The following SLFN5 variants were observed in gnomAD, a reference collection of about 807,000 sequenced individuals.
SLFN5 encodes schlafen family member 5.
In SLFN5, 34 loss-of-function variants were observed where a neutral mutation model predicts 48.5. The ratio of observed to expected loss-of-function variants is 0.70; its 90% confidence interval spans 0.53 to 0.93. SLFN5 has a LOEUF of 0.93. Among genes scored for constraint, SLFN5 ranks in the 40% least tolerant of loss-of-function variants. The probability of loss-of-function intolerance (pLI) is 0.00; values close to 1 mark genes in which losing one functional copy is unlikely to be tolerated. For missense variants in SLFN5, 1,006 were observed against 1,071.3 expected (o/e 0.94, Z 0.85); for synonymous variants, 387 against 396.2 (o/e 0.98, Z 0.28).
intron 1 of SLFN5, among the ~76,000 whole-genome samples, chr17:35,256,385 T>C (rs1904344259): frequency 1.3e-5 from 2 of 152,184 alleles, no homozygotes; most frequent in African/African-American, 4.8e-5. Flanking sequence ...ATAGTGCATG[T>C]AATAGTGAAA....
chr17:35,257,025 C>T (rs1567789970), intron 1 of SLFN5, among the ~76,000 whole-genome samples: 1 of 152,064 alleles, frequency 6.6e-6, no homozygotes, highest in South Asian at 2.1e-4. Flanking sequence ...GCTGCGCACT[C>T]CTTATGAGAA....
intron 1 of SLFN5, among the ~76,000 whole-genome samples, chr17:35,247,998 T>C (rs1393836377): frequency 3.3e-5 from 5 of 152,136 alleles, no homozygotes; most frequent in Non-Finnish European, 5.9e-5. Flanking sequence ...TGTTAGGAGG[T>C]GCCCAACTGT....
At chr17:35,247,179 C>A (rs2092432718) in intron 1 of SLFN5, among the ~76,000 whole-genome samples, 1 of 152,152 alleles carries the variant, frequency 6.6e-6, no homozygotes, top group Admixed American at 6.5e-5. Flanking sequence ...AATATGTTCC[C>A]CAAACTAATC....
At position 35,266,010 on chromosome 17, in the gene SLFN5, G is replaced by T; in HGVS notation, c.*122G>T. The T allele has an allele frequency of 9.3e-7, 1 of 1,070,324 alleles. No individual in the cohort carries two copies. The highest frequency in any genetic ancestry group is 1.3e-6 in the Non-Finnish European group (1 of 764,904). The allele number at this position is 1,070,324 out of a possible 1,614,324, so 66.3% of individuals were successfully genotyped here. A position where few individuals can be genotyped will look rare whatever the true frequency, so the allele number is the denominator to read the frequency against. ...AAGTCACATACTTTTCTAGGTGCTG[G>T]GGATTGAGAACGAATCGATGTAAGA... On this transcript the variant is annotated 3_prime_UTR_variant, in exon 5 of 5. Transcript: ENST00000299977.
In SLFN5 at chr17:35,265,121, A is replaced by G. The variant is rs1171485006; in HGVS notation, c.1909A>G (p.Lys637Glu). 1.2e-6 allele frequency: 2 copies of G among 1,613,678 alleles called. No homozygotes were observed. Among genetic ancestry groups the G allele is most frequent in the Non-Finnish European group, 1.7e-6 (2 of 1,179,914 alleles). Residue 637 changes from lysine to glutamate, a missense_variant, in exon 5 of 5, where the codon AAA becomes GAA. Lys to Glu is a moderately conservative substitution (Grantham distance 56). Coordinates refer to ENST00000299977, the MANE Select transcript of SLFN5 (RefSeq NM_144975.4). ...CQPVTRKTFM[K>E]NNFEHIQHII... ...GCCAGTGACCCGGAAAACCTTCATG[A>G]AAAACAACTTTGAACACATCCAGCA...
chr17:35,243,243 G>C (rs2092423072), intron 1 of SLFN5, 100 bp downstream of exon 1: 1 of 152,354 alleles, frequency 6.6e-6, no homozygotes, highest in Non-Finnish European at 1.5e-5. Context: ...AAGGTGCGGC[G>C]ACTGCAGCTC....
Position 35,264,348 on chromosome 17 carries a change from AG to A in SLFN5, c.1307del (p.Gly436GlufsTer8), listed in dbSNP as rs763397350. On this transcript the variant is annotated frameshift_variant, in exon 4 of 5. Transcript: ENST00000299977. LOFTEE classifies it high-confidence loss of function. Reference protein sequence around the residue: ...WAVDLGLQEKQGVICDALLIS... With the variant: ...WAVDLGLQEKXGVICDALLIS... ...GTGGATTTAGGTCTGCAAGAGAAGC[AG>A]GGAGTCATCTGTGATGCTCTTCTAA... The A allele has an allele frequency of 6.2e-7, 1 of 1,614,222 alleles. No homozygotes were observed. Among genetic ancestry groups the A allele is most frequent in the Admixed American group, 1.7e-5 (1 of 60,030 alleles).
Position 35,259,694 on chromosome 17 carries a change from C to T in SLFN5, c.1004C>T (p.Ala335Val). The change falls in exon 2 of 5, where the codon GCT (alanine) becomes GTT (valine). Residue 335 changes from alanine to valine, a missense_variant. Physicochemically the swap from Ala to Val is moderately conservative, Grantham distance 64 (BLOSUM62 0). Coordinates refer to ENST00000299977, the MANE Select transcript of SLFN5 (RefSeq NM_144975.4). The stretch of plus-strand genomic sequence containing the variant: ...GAATGGACTGCTTGGATGATGGAAG[C>T]TGACCCAGGTTAGGGAGCAATATCC... ...TREWTAWMME[A>V]DPDLSRCPEM... is the part of the protein sequence containing the mutation. 1.9e-6 allele frequency: 3 copies of T among 1,599,450 alleles called. No homozygotes were observed. Among genetic ancestry groups the T allele is most frequent in the Non-Finnish European group, 2.5e-6 (3 of 1,179,530 alleles).
rs147110780 is a variant in SLFN5 at position 35,271,962 on chromosome 17, G to T, written c.*6074G>T. 5.7e-4 allele frequency: 86 copies of T among 152,142 alleles called. No individual in the cohort carries two copies. Among genetic ancestry groups the T allele is most frequent in the African/African-American group, 1.9e-3 (79 of 41,500 alleles). 9.4% of individuals were successfully genotyped at this position (152,142 alleles called of 1,614,324 possible). A position where few individuals can be genotyped will look rare whatever the true frequency, so the allele number is the denominator to read the frequency against. On this transcript the variant is annotated 3_prime_UTR_variant, in exon 5 of 5. Coordinates refer to ENST00000299977, the MANE Select transcript of SLFN5 (RefSeq NM_144975.4). The stretch of plus-strand genomic sequence containing the variant: ...GGGAGAATCACCCAAGCCTTGGGAG[G>T]TCGAGGCTGTAGTGAGCCAAAATCA...
At chr17:35,257,349 A>G (rs115339939) in intron 1 of SLFN5, among the ~76,000 whole-genome samples, 2 of 152,152 alleles carry the variant, frequency 1.3e-5, no homozygotes, top group Non-Finnish European at 2.9e-5. Context: ...TGGTCCTGAC[A>G]TGTCGAAGAC....
intron 1 of SLFN5, among the ~76,000 whole-genome samples, chr17:35,243,449 T>C (rs11867955): frequency 0.11 from 17,456 of 152,200 alleles, 1,067 homozygotes; most frequent in East Asian, 0.17. Flanking sequence ...CCTGGCAACA[T>C]TTCCCCACGG....
At chr17:35,260,248 G>C (rs1182539096) in intron 2 of SLFN5, among the ~76,000 whole-genome samples, 1 of 152,090 alleles carries the variant, frequency 6.6e-6, no homozygotes, top group Non-Finnish European at 1.5e-5. Flanking sequence ...GCCAGAGGAT[G>C]GTTGGTGACA....
chr17:35,248,576 A>G (rs540404227), intron 1 of SLFN5, among the ~76,000 whole-genome samples: 195 of 152,024 alleles, frequency 1.3e-3, no homozygotes, highest in Non-Finnish European at 2.4e-3. Context: ...ACTTCAGTCA[A>G]CTGCTCACTT....
chr17:35,244,415 T>C (rs1019700430), intron 1 of SLFN5, among the ~76,000 whole-genome samples: 8 of 151,728 alleles, frequency 5.3e-5, no homozygotes, highest in African/African-American at 1.9e-4. Flanking sequence ...GGGAGGGCGT[T>C]GGTTTAGAGC....
Position 35,264,526 on chromosome 17 carries a change from C to T in SLFN5, c.1482C>T (p.Val494=). ...YTGRLCITPL[V]CVLNSDRKAQ... is the part of the protein sequence containing the mutation. Reference sequence around the variant, plus strand: ...GGAGGTTATGCATCACCCCCTTGGTCTGTGTGCTGAATTCTGATAGAAAAG... The same window carrying T: ...GGAGGTTATGCATCACCCCCTTGGTTTGTGTGCTGAATTCTGATAGAAAAG... The change falls in exon 4 of 5, where the codon GTC becomes GTT. Residue 494 remains valine (V), a synonymous_variant. Coordinates refer to ENST00000299977, the MANE Select transcript of SLFN5 (RefSeq NM_144975.4). 2 of 1,614,118 alleles carry T rather than the reference C, an allele frequency of 1.2e-6. No individual in the cohort carries two copies. Among genetic ancestry groups the T allele is most frequent in the Non-Finnish European group, 1.7e-6 (2 of 1,180,012 alleles).
intron 1 of SLFN5, among the ~76,000 whole-genome samples, chr17:35,249,675 C>T (rs914408381): frequency 6.6e-6 from 1 of 152,222 alleles, no homozygotes; most frequent in African/African-American, 2.4e-5. Context: ...TTCCTTCCTC[C>T]TCTTTGATAT....
At chr17:35,259,853 A>T in intron 2 of SLFN5, 151 bp downstream of exon 2, 1 of 902,750 alleles carries the variant, frequency 1.1e-6, no homozygotes, top group South Asian at 1.8e-5. Flanking sequence ...ATCCCTGTAG[A>T]TGTAGTTCGT....
At chr17:35,257,693 G>A (rs1187376795) in intron 1 of SLFN5, among the ~76,000 whole-genome samples, 1 of 151,870 alleles carries the variant, frequency 6.6e-6, no homozygotes. Context: ...CAGAAACACA[G>A]CTAGGATGTA....
chr17:35,250,384 G>T (rs1023026265), intron 1 of SLFN5, among the ~76,000 whole-genome samples: 2 of 152,196 alleles, frequency 1.3e-5, no homozygotes, highest in Non-Finnish European at 2.9e-5. Flanking sequence ...AGATGGCTGG[G>T]CGCGGTGGCT....
Sources: allele counts gnomAD v4.1 joint callset (sites outside exome capture counted in the v4.1 genomes callset), GRCh38; gene constraint gnomAD v4.1.1; transcripts MANE v1.5; gene names NCBI Gene and HGNC (gene_info 2026-07-23, HGNC 2026-07-21).